Variants in PTCH1 observed in about 807,000 individuals in gnomAD.
PTCH1 encodes patched 1.
In PTCH1, 14 loss-of-function variants were observed where a neutral mutation model predicts 144.6. The ratio of observed to expected loss-of-function variants is 0.10; its 90% CI spans 0.06 to 0.15. The LOEUF (loss-of-function observed/expected upper bound fraction) is 0.15. Among genes scored for constraint, PTCH1 ranks in the 10% least tolerant of loss-of-function variants. The pLI is 1.00. For synonymous variants in PTCH1, 833 were observed against 793.6 expected, an observed-to-expected ratio of 1.05 and a Z score of -0.83; for missense variants, 1,623 against 1,948.3, an observed-to-expected ratio of 0.83 and a Z score of 3.14.
intron 23 of PTCH1, chr9:95,446,652 T>C (rs1183572916): frequency 1.0e-5 from 6 of 586,888 alleles, no homozygotes; most frequent in Admixed American, 8.4e-5. Flanking sequence ...GTGGTGCTGT[T>C]TGTGTCCTTG....
chr9:95,481,402 T>C (rs539468116), intron 5 of PTCH1, among the ~76,000 whole-genome samples: 1 of 152,238 alleles, frequency 6.6e-6, no homozygotes, highest in Non-Finnish European at 1.5e-5. Context: ...TGATTAACAA[T>C]TATTCTCTAA....
Position 95,508,241 on chromosome 9 carries a change from G to T in PTCH1, c.121C>A (p.Arg41Ser), listed in dbSNP as rs1554709496. ...GRRRRTGGLR[R>S]AAAPDRDYLH... is the part of the protein sequence containing the mutation. Reference sequence around the variant, plus strand: ...TAGTCCCGGTCCGGCGCGGCAGCACGGCGCAGCCCCCCCGTCCGTCTGCGC... The same window carrying T: ...TAGTCCCGGTCCGGCGCGGCAGCACTGCGCAGCCCCCCCGTCCGTCTGCGC... Residue 41 changes from arginine (R) to serine (S), a missense_variant, in exon 1 of 24, where the codon CGT becomes AGT. Physicochemically the swap from Arg to Ser is moderately radical, Grantham distance 110. Coordinates refer to ENST00000331920, the MANE Select transcript of PTCH1 (RefSeq NM_000264.5). 1 of 1,607,648 alleles carries T rather than the reference G, an allele frequency of 6.2e-7. No individual in the cohort carries two copies. Among genetic ancestry groups the T allele is most frequent in the Non-Finnish European group, 8.5e-7 (1 of 1,178,564 alleles).
chr9:95,510,002 TA>T (rs71498965), upstream of PTCH1, among the ~76,000 whole-genome samples: 3,107 of 138,520 alleles, frequency 0.022, 49 homozygotes, highest in African/African-American at 0.045. Flanking sequence ...CCCCCCAACT[TA>T]AAAAAAAAAA....
intron 2 of PTCH1, among the ~76,000 whole-genome samples, chr9:95,496,767 G>A (rs1842821595): frequency 6.6e-6 from 1 of 152,024 alleles, no homozygotes; most frequent in Non-Finnish European, 1.5e-5. Flanking sequence ...ATCTCATGAG[G>A]AAAATAAAGT....
intron 2 of PTCH1, among the ~76,000 whole-genome samples, chr9:95,499,385 T>A (rs1284899077): frequency 3.3e-5 from 5 of 150,764 alleles, no homozygotes; most frequent in Non-Finnish European, 2.9e-5. Flanking sequence ...TCCTCTTAGG[T>A]TGTGATTAGC....
chr9:95,473,544 T>G, intron 12 of PTCH1, among the ~76,000 whole-genome samples: 1 of 70,440 alleles, frequency 1.4e-5, no homozygotes, highest in South Asian at 3.4e-4. Context: ...TCTATCCTAT[T>G]TTTTTTTTTT....
intron 12 of PTCH1, chr9:95,474,060 A>C (rs1840821151): frequency 2.0e-6 from 1 of 499,782 alleles, no homozygotes; most frequent in African/African-American, 1.9e-5. Context: ...ACTCCTCGTA[A>C]GGAAACCTCA....
rs1167629331 is a variant in PTCH1 at position 95,458,422 on chromosome 9, A to G, written c.2888-129T>C. ...TTCTACATGATACAAAGAACAAACAATGCTGATCATAGCCTCCAGGCCTTT... is the reference window on the plus strand; with the variant it reads ...TTCTACATGATACAAAGAACAAACAGTGCTGATCATAGCCTCCAGGCCTTT... On this transcript the variant is annotated intron_variant, in intron 17 of 23. Coordinates refer to ENST00000331920, the MANE Select transcript of PTCH1 (RefSeq NM_000264.5). This position sits in a 1 kb window ranked among gnomAD's most constrained non-coding sequence, Gnocchi z 4.7. 5 of 1,192,228 alleles carry G rather than the reference A, an allele frequency of 4.2e-6. No individual in the cohort carries two copies. The highest frequency in any genetic ancestry group is 2.0e-5 in the Admixed American group (1 of 50,006). 73.9% of individuals were successfully genotyped at this position (1,192,228 alleles called of 1,614,324 possible). A position where few individuals can be genotyped will look rare whatever the true frequency, so the allele number is the denominator to read the frequency against.
chr9:95,489,391 C>T (rs888742972), intron 2 of PTCH1, among the ~76,000 whole-genome samples: 2 of 152,178 alleles, frequency 1.3e-5, no homozygotes, highest in Non-Finnish European at 2.9e-5. Context: ...CTCTGTTGCC[C>T]AGGCTGGAGT....
intron 22 of PTCH1, 61 bp from the exon 23 acceptor site, chr9:95,447,512 C>T (rs1588512774): frequency 6.8e-7 from 1 of 1,461,072 alleles, no homozygotes; most frequent in African/African-American, 1.4e-5. Context: ...GTCCCCGCAG[C>T]TCCCACACTT....
intron 12 of PTCH1, among the ~76,000 whole-genome samples, chr9:95,471,034 G>C (rs1840521742): frequency 6.6e-6 from 1 of 151,648 alleles, no homozygotes; most frequent in Admixed American, 6.6e-5. Flanking sequence ...AGTGAGCCAA[G>C]ATTGCACCAC....
Position 95,508,889 on chromosome 9 carries a change from C to G in PTCH1, c.-528G>C, listed in dbSNP as rs1438804892. 1 of 936,080 alleles carries G rather than the reference C, an allele frequency of 1.1e-6. No individual in the cohort carries two copies. The highest frequency in any genetic ancestry group is 1.8e-5 in the African/African-American group (1 of 56,072). The allele number at this position is 936,080 out of a possible 1,614,324, so 58.0% of individuals were successfully genotyped here. A position where few individuals can be genotyped will look rare whatever the true frequency, so the allele number is the denominator to read the frequency against. ...AGGGCAAGCGCAGAGCCGCCGCCGC[C>G]GCGGGGTCCGAGGGTGCCCGGCGGG... On this transcript the variant is annotated 5_prime_UTR_variant, in exon 1 of 24. Coordinates refer to ENST00000331920, the MANE Select transcript of PTCH1 (RefSeq NM_000264.5).
intron 12 of PTCH1, among the ~76,000 whole-genome samples, chr9:95,473,249 G>C (rs958293805): frequency 1.3e-5 from 2 of 152,214 alleles, no homozygotes; most frequent in African/African-American, 4.8e-5. Context: ...TATTTGGTCA[G>C]GCTACAAAAT....
upstream of PTCH1, among the ~76,000 whole-genome samples, chr9:95,510,925 C>T (rs1266213775): frequency 6.7e-6 from 1 of 150,324 alleles, no homozygotes; most frequent in African/African-American, 2.4e-5. Context: ...GCGGATGCGC[C>T]GGGCCGGCTC....
chr9:95,447,424 G>T lies in PTCH1; in HGVS notation c.3832C>A (p.Pro1278Thr). The part of the protein sequence containing the change: ...TVVHPESRHH[P>T]PSNPRQQPHL... ...GGCTGCTGTCTCGGGTTCGAGGGTG[G>T]GTGATGCCTGGATTCGGGATGGACC... The change falls in exon 23 of 24, where the codon CCA becomes ACA. Residue 1278 changes from proline (P) to threonine (T), a missense_variant. Around this residue, in one of 7 missense-constraint regions of PTCH1, gnomAD observed 291 missense variants for 287.4 expected, o/e 1.01. Transcript: ENST00000331920. The T allele has an allele frequency of 6.3e-7, 1 of 1,599,594 alleles. No homozygotes were observed.
chr9:95,504,647 C>G (rs993409285), intron 2 of PTCH1, among the ~76,000 whole-genome samples: 1 of 152,154 alleles, frequency 6.6e-6, no homozygotes, highest in Non-Finnish European at 1.5e-5. Flanking sequence ...AGCGCCCCTA[C>G]AGTCTAGCCA....
rs925546121 is a variant in PTCH1, at chr9:95,507,389, G to A, written c.201+772C>T. ...TTTCCCCGGCGCTGGCCGCGGCCCC[G>A]GCGGGCCCCCGTCTGGGTGCTCGCC... On this transcript the variant is annotated intron_variant, in intron 1 of 23. Transcript: ENST00000331920. 11 of 985,488 alleles carry A rather than the reference G, an allele frequency of 1.1e-5. No homozygotes were observed. The East Asian group carries it at 7.9e-4, about 71-fold the overall frequency. 61.0% of individuals were successfully genotyped at this position (985,488 alleles called of 1,614,324 possible).
intron 20 of PTCH1, 112 bp from the exon 21 acceptor site, chr9:95,450,052 C>G: frequency 1.0e-6 from 1 of 952,454 alleles, no homozygotes; most frequent in Non-Finnish European, 1.7e-6. Context: ...AAACCCACCC[C>G]ACTGAAAAGG....
intron 20 of PTCH1, chr9:95,452,217 C>A (rs1246617410): frequency 6.6e-6 from 1 of 152,174 alleles, no homozygotes; most frequent in East Asian, 1.9e-4. Context: ...GTGGGCTATG[C>A]CACAGGCCAA....
Sources: allele counts gnomAD v4.1 joint callset (sites outside exome capture counted in the v4.1 genomes callset), GRCh38; gene constraint gnomAD v4.1.1; regional missense constraint gnomAD v4.1.1; non-coding constraint Gnocchi (gnomAD v3.1); transcripts MANE v1.5; gene names NCBI Gene and HGNC (gene_info 2026-07-23, HGNC 2026-07-21).